The following KCNK13 variants were observed in gnomAD, a reference collection of about 807,000 sequenced individuals.
KCNK13 encodes potassium two pore domain channel subfamily K member 13, also known as potassium channel subfamily K member 13.
KCNK13 carries 12 observed loss-of-function variants against 23.4 expected under a neutral mutation model. That is an observed-to-expected ratio of 0.51 (90% CI 0.33 to 0.83). KCNK13 has a LOEUF of 0.83. Among genes scored for constraint, KCNK13 ranks in the 40% least tolerant of loss-of-function variants. The pLI is 0.02. For missense variants in KCNK13, 463 were observed against 556.3 expected (o/e 0.83, Z 1.69); for synonymous variants, 231 against 229.5 (o/e 1.01, Z -0.06).
chr14:90,165,202 A>G (rs1371449349), intron 1 of KCNK13, among the ~76,000 whole-genome samples: 1 of 152,166 alleles, frequency 6.6e-6, no homozygotes, highest in Non-Finnish European at 1.5e-5. Context: ...GGTCCCTCCC[A>G]CAGCACATGG....
chr14:90,159,778 A>G (rs1890232212), intron 1 of KCNK13, among the ~76,000 whole-genome samples: 2 of 152,214 alleles, frequency 1.3e-5, no homozygotes, highest in South Asian at 4.1e-4. Context: ...ATAAGAGGTT[A>G]AATAATTTGC....
intron 1 of KCNK13, among the ~76,000 whole-genome samples, chr14:90,124,200 G>A (rs151168121): frequency 2.6e-5 from 4 of 152,298 alleles, no homozygotes; most frequent in Admixed American, 6.5e-5. Context: ...CACTCAGCTC[G>A]CAGTGTTCTT....
intron 1 of KCNK13, among the ~76,000 whole-genome samples, chr14:90,174,590 ACCTGTAAT>A (rs535229537): frequency 6.6e-6 from 1 of 152,114 alleles, no homozygotes; most frequent in South Asian, 2.1e-4. Flanking sequence ...GGTGGCTCAC[ACCTGTAAT>A]CCCAACAGTT....
intron 1 of KCNK13, among the ~76,000 whole-genome samples, chr14:90,164,533 A>G (rs769046530): frequency 6.6e-6 from 1 of 152,200 alleles, no homozygotes; most frequent in Admixed American, 6.5e-5. Flanking sequence ...TTAATCTTCT[A>G]CTAGGGTTGT....
rs1363418821 is a variant in KCNK13, at chr14:90,176,641, A to G, written c.335-7470A>G. Among the ~76,000 whole-genome samples, 4 of 152,222 alleles carry G rather than the reference A, an allele frequency of 2.6e-5. No individual in the cohort carries two copies. The East Asian group carries it at 7.7e-4, about 29-fold the overall frequency. On this transcript the variant is annotated intron_variant, in intron 1 of 1. Transcript: ENST00000282146. Reference sequence around the variant, plus strand: ...TTCCTCGGAGTATTGAGAAGAATGAATCAAGAGGTATGCTGCAGGTATCTG... The same window carrying G: ...TTCCTCGGAGTATTGAGAAGAATGAGTCAAGAGGTATGCTGCAGGTATCTG...
At chr14:90,159,686 A>G (rs1890231308) in intron 1 of KCNK13, among the ~76,000 whole-genome samples, 1 of 152,204 alleles carries the variant, frequency 6.6e-6, no homozygotes, top group Admixed American at 6.5e-5. Context: ...TTTTATCTAT[A>G]TTAGGTTATT....
intron 1 of KCNK13, among the ~76,000 whole-genome samples, chr14:90,179,151 G>T (rs1890457421): frequency 6.8e-6 from 1 of 147,954 alleles, no homozygotes; most frequent in Non-Finnish European, 1.5e-5. Context: ...CAAAGAAATG[G>T]TATGTTATCT....
At chr14:90,153,638 A>G (rs8010566) in intron 1 of KCNK13, among the ~76,000 whole-genome samples, 11,051 of 152,298 alleles carry the variant, frequency 0.073, 483 homozygotes, top group South Asian at 0.21. Context: ...AATATGCAGT[A>G]AATATTGTGG....
chr14:90,117,451 G>A (rs186917713), intron 1 of KCNK13, among the ~76,000 whole-genome samples: 7 of 152,168 alleles, frequency 4.6e-5, no homozygotes, highest in East Asian at 3.9e-4. Flanking sequence ...TTAGCCAGGC[G>A]TGGTGGCGCG....
chr14:90,087,661 A>C (rs891359535), intron 1 of KCNK13, among the ~76,000 whole-genome samples: 2 of 152,222 alleles, frequency 1.3e-5, no homozygotes, highest in African/African-American at 4.8e-5. Context: ...GTGATGATTC[A>C]GAAGCCATTT....
Position 90,076,804 on chromosome 14 carries a change from T to C in KCNK13, c.334+14265T>C, listed in dbSNP as rs564425925. Among the ~76,000 whole-genome samples, 11 of 152,294 alleles carry C rather than the reference T, an allele frequency of 7.2e-5. No individual in the cohort carries two copies. The East Asian group carries it at 1.9e-3, about 27-fold the overall frequency. Reference sequence around the variant, plus strand: ...GTCTTGCTCAATTGTTTTTCTATTCTGGAGATTAAAAAAAAATTTTTTTTT... The same window carrying C: ...GTCTTGCTCAATTGTTTTTCTATTCCGGAGATTAAAAAAAAATTTTTTTTT... On this transcript the variant is annotated intron_variant, in intron 1 of 1. Coordinates refer to ENST00000282146, the MANE Select transcript of KCNK13 (RefSeq NM_022054.4).
intron 1 of KCNK13, among the ~76,000 whole-genome samples, chr14:90,176,011 A>G (rs538350868): frequency 2.6e-5 from 4 of 152,278 alleles, no homozygotes; most frequent in African/African-American, 9.6e-5. Flanking sequence ...CTCCCACCAT[A>G]TTCTGCTGGT....
At chr14:90,117,582 ACT>A (rs926298499) in intron 1 of KCNK13, among the ~76,000 whole-genome samples, 2 of 151,794 alleles carry the variant, frequency 1.3e-5, no homozygotes, top group African/African-American at 4.8e-5. Flanking sequence ...ACAGAGCGAG[ACT>A]CTGTCTCAAA....
chr14:90,159,965 G>A (rs1044172704), intron 1 of KCNK13, among the ~76,000 whole-genome samples: 1 of 151,840 alleles, frequency 6.6e-6, no homozygotes, highest in African/African-American at 2.4e-5. Context: ...GTGTGTGTGT[G>A]TGTGTGTGTG....
At chr14:90,112,598 A>G (rs896971950) in intron 1 of KCNK13, among the ~76,000 whole-genome samples, 2 of 152,264 alleles carry the variant, frequency 1.3e-5, no homozygotes, top group African/African-American at 4.8e-5. Context: ...GAAAGTAAAC[A>G]TGGTAAAGTT....
intron 1 of KCNK13, among the ~76,000 whole-genome samples, chr14:90,065,538 T>TGCCA (rs1888997547): frequency 6.6e-6 from 1 of 152,160 alleles, no homozygotes; most frequent in Non-Finnish European, 1.5e-5. Flanking sequence ...TTAAGGCAGG[T>TGCCA]GCCACAGTGG....
chr14:90,118,851 G>C (rs1889705604), intron 1 of KCNK13, among the ~76,000 whole-genome samples: 1 of 152,092 alleles, frequency 6.6e-6, no homozygotes, highest in African/African-American at 2.4e-5. Context: ...ACAAATCCAG[G>C]AGTTGGTTTT....
At chr14:90,103,806 G>C (rs996066899) in intron 1 of KCNK13, among the ~76,000 whole-genome samples, 2 of 152,114 alleles carry the variant, frequency 1.3e-5, no homozygotes, top group Non-Finnish European at 2.9e-5. Flanking sequence ...TAGGTGATCT[G>C]CCTGCCTTGG....
chr14:90,108,240 T>C (rs1889570115), intron 1 of KCNK13, among the ~76,000 whole-genome samples: 1 of 152,204 alleles, frequency 6.6e-6, no homozygotes, highest in Admixed American at 6.5e-5. Context: ...TGGCCTAGGA[T>C]TCGCTCACTC....
Sources: allele counts gnomAD v4.1 joint callset (sites outside exome capture counted in the v4.1 genomes callset), GRCh38; gene constraint gnomAD v4.1.1; transcripts MANE v1.5; gene names NCBI Gene and HGNC (gene_info 2026-07-23, HGNC 2026-07-21).